Variants in DCDC1 observed in about 807,000 individuals in gnomAD.
DCDC1 encodes doublecortin domain-containing protein 1.
A neutral mutation model predicts 178.3 loss-of-function variants in DCDC1; 200 were observed. That is an observed-to-expected ratio of 1.12 (90% CI 1.00 to 1.26). The LOEUF (loss-of-function observed/expected upper bound fraction) is 1.26. DCDC1 is among the 50% of genes most tolerant of loss of function. The pLI is 0.00. For missense variants in DCDC1, 1,983 were observed against 1,749.2 expected (o/e 1.13, Z -2.38); for synonymous variants, 690 against 604.8 (o/e 1.14, Z -2.07).
Position 30,881,359 on chromosome 11 carries a change from T to A in DCDC1, c.5083-51A>T, listed in dbSNP as rs541782110. On this transcript the variant is annotated intron_variant, in intron 36 of 38. Transcript: ENST00000684477. Reference sequence around the variant, plus strand: ...TTGAATACGGAATGGCACAATATGATCATGTATCAAAGAACCAACTCTTCT... The same window carrying A: ...TTGAATACGGAATGGCACAATATGAACATGTATCAAAGAACCAACTCTTCT... The A allele has an allele frequency of 3.5e-5, 55 of 1,582,676 alleles. 1 individual carries two copies. The South Asian group carries it at 5.1e-4, about 15-fold the overall frequency.
chr11:30,868,279 CTT>C (rs1941193454), intron 38 of DCDC1, among the ~76,000 whole-genome samples: 1 of 96,922 alleles, frequency 1.0e-5, no homozygotes, highest in Non-Finnish European at 1.9e-5. Context: ...GATATGGAGT[CTT>C]ACTCTGTTGC....
chr11:31,351,624 C>A (rs987483272), intron 1 of DCDC1, among the ~76,000 whole-genome samples: 1 of 152,088 alleles, frequency 6.6e-6, no homozygotes, highest in Admixed American at 6.6e-5. Flanking sequence ...AAAAAAACTT[C>A]TTTCACTCTA....
At chr11:30,979,399 G>A (rs1188154019) in intron 20 of DCDC1, among the ~76,000 whole-genome samples, 2 of 152,152 alleles carry the variant, frequency 1.3e-5, no homozygotes, top group Non-Finnish European at 2.9e-5. Context: ...GTATTTACTA[G>A]TTGCATAAAT....
intron 9 of DCDC1, among the ~76,000 whole-genome samples, chr11:31,219,237 A>C (rs999810810): frequency 6.6e-6 from 1 of 152,248 alleles, no homozygotes; most frequent in African/African-American, 2.4e-5. Context: ...GCAAAATAGT[A>C]CATGACCTGT....
At chr11:31,166,369 C>T (rs368577785) in intron 9 of DCDC1, among the ~76,000 whole-genome samples, 3 of 151,976 alleles carry the variant, frequency 2.0e-5, no homozygotes, top group Non-Finnish European at 2.9e-5. Context: ...AACTGAAATA[C>T]GAAAATAAAT....
chr11:31,084,922 A>G (rs991085411), intron 17 of DCDC1, among the ~76,000 whole-genome samples: 3 of 148,686 alleles, frequency 2.0e-5, no homozygotes, highest in Non-Finnish European at 4.5e-5. Context: ...CTTAGCCTCA[A>G]TGGGCTAAGA....
intron 21 of DCDC1, among the ~76,000 whole-genome samples, chr11:30,934,818 T>A (rs1024770915): frequency 2.0e-5 from 3 of 152,206 alleles, no homozygotes; most frequent in Non-Finnish European, 4.4e-5. Context: ...AGTTGACCCA[T>A]TTGATCCAGG....
rs1474533291 is a variant in DCDC1 at position 30,895,157 on chromosome 11, T to C, written c.4766-773A>G. On this transcript the variant is annotated intron_variant, in intron 34 of 38. Transcript: ENST00000684477. ...TAAGCTTATTAAGTAAAAATAATGCTTTCTCTTGTATCTTCTTTCCAAAAA... is the reference window on the plus strand; with the variant it reads ...TAAGCTTATTAAGTAAAAATAATGCCTTCTCTTGTATCTTCTTTCCAAAAA... Among the ~76,000 whole-genome samples, 3 of 152,218 alleles carry C rather than the reference T, an allele frequency of 2.0e-5. 1 individual carries two copies. The South Asian group carries it at 6.2e-4, about 31-fold the overall frequency.
intron 10 of DCDC1, among the ~76,000 whole-genome samples, chr11:31,129,778 ACCTC>A (rs1962186153): frequency 6.6e-6 from 1 of 151,826 alleles, no homozygotes; most frequent in Non-Finnish European, 1.5e-5. Flanking sequence ...CCATTAGGTC[ACCTC>A]CACCAAATTC....
chr11:31,141,330 T>C (rs2136026610), intron 9 of DCDC1, among the ~76,000 whole-genome samples: 1 of 152,346 alleles, frequency 6.6e-6, no homozygotes, highest in Middle Eastern at 3.4e-3. Flanking sequence ...ACCTAATTCA[T>C]ATTGACATTC....
At chr11:30,954,005 C>CTTTTTTT (rs5790847) in intron 20 of DCDC1, among the ~76,000 whole-genome samples, 7 of 76,504 alleles carry the variant, frequency 9.1e-5, no homozygotes, top group East Asian at 3.7e-4. Flanking sequence ...TACAACAATT[C>CTTTTTTT]TTTTTTTTTT....
intron 27 of DCDC1, among the ~76,000 whole-genome samples, chr11:30,911,920 C>T (rs1270761642): frequency 3.9e-5 from 6 of 152,254 alleles, no homozygotes; most frequent in Admixed American, 2.0e-4. Context: ...GGTTTGAATG[C>T]CCCTCCAAAA....
chr11:31,161,860 T>C (rs1591271094), intron 9 of DCDC1, among the ~76,000 whole-genome samples: 1 of 152,186 alleles, frequency 6.6e-6, no homozygotes, highest in Admixed American at 6.5e-5. Flanking sequence ...ACTACTTATA[T>C]TTAGCACCAT....
rs563373193 is a variant in DCDC1 at position 30,905,082 on chromosome 11, G to C, written c.4187C>G (p.Thr1396Arg). Residue 1396 changes from threonine (T) to arginine (R), a missense_variant, in exon 31 of 39, where the codon ACG (threonine) becomes AGG (arginine). By Grantham distance (71) the Thr-to-Arg change is moderately conservative. Coordinates refer to ENST00000684477, the MANE Select transcript of DCDC1 (RefSeq NM_001387274.1). ...CATGCCACTGTGAGATGCAGCTTGC[G>C]TGCAGGTCTTCATCCGTAAAGACAA... Reference protein sequence around the residue: ...RLLSLRMKTCTQAASHSGMAA... With the variant: ...RLLSLRMKTCRQAASHSGMAA... 6.2e-7 allele frequency: 1 copy of C among 1,613,688 alleles called. No homozygotes were observed. The highest frequency in any genetic ancestry group is 8.5e-7 in the Non-Finnish European group (1 of 1,179,748).
intron 9 of DCDC1, among the ~76,000 whole-genome samples, chr11:31,144,860 T>G (rs1964269653): frequency 6.6e-6 from 1 of 152,164 alleles, no homozygotes; most frequent in Admixed American, 6.5e-5. Flanking sequence ...ATATTGTTGC[T>G]TTTGATGTTA....
chr11:31,274,250 C>T (rs1312934668), intron 7 of DCDC1, among the ~76,000 whole-genome samples: 1 of 152,148 alleles, frequency 6.6e-6, no homozygotes, highest in Non-Finnish European at 1.5e-5. Context: ...TTTCATCTTC[C>T]ATTTACATAC....
intron 3 of DCDC1, among the ~76,000 whole-genome samples, chr11:31,310,037 G>A (rs1948676990): frequency 6.6e-6 from 1 of 152,082 alleles, no homozygotes; most frequent in Non-Finnish European, 1.5e-5. Flanking sequence ...TTTTGGGAAT[G>A]CAAACTCTTC....
intron 21 of DCDC1, among the ~76,000 whole-genome samples, chr11:30,933,257 T>C (rs1947057095): frequency 6.6e-6 from 1 of 152,110 alleles, no homozygotes; most frequent in African/African-American, 2.4e-5. Flanking sequence ...TGGCCCTTTG[T>C]TAATTCATAT....
intron 20 of DCDC1, among the ~76,000 whole-genome samples, chr11:30,957,592 G>A (rs73465167): frequency 0.018 from 2,713 of 152,284 alleles, 86 homozygotes; most frequent in African/African-American, 0.06. Flanking sequence ...TAAGAGAGGT[G>A]CAGTGTTGGT....
Sources: gnomAD v4.1 joint callset for allele counts (sites outside exome capture counted in the v4.1 genomes callset) on GRCh38, gnomAD v4.1.1 for gene constraint, MANE v1.5 for transcripts, NCBI Gene and HGNC (gene_info 2026-07-23, HGNC 2026-07-21) for gene names.